LPAR1: variants seen among roughly 807,000 people sequenced by gnomAD.
The protein encoded by LPAR1 is lysophosphatidic acid receptor 1.
In LPAR1, 5 loss-of-function variants were observed where a neutral mutation model predicts 23.8. The ratio of observed to expected loss-of-function variants is 0.21; its 90% CI spans 0.11 to 0.44. The LOEUF (loss-of-function observed/expected upper bound fraction) is 0.44, where lower values mean the gene tolerates loss of function less well. Ranked by LOEUF, LPAR1 falls within the 20% of genes least tolerant of loss-of-function variation. The pLI is 0.99. For missense variants in LPAR1, 311 were observed against 482.8 expected, an observed-to-expected ratio of 0.64 and a Z score of 3.33; for synonymous variants, 160 against 164.7, an observed-to-expected ratio of 0.97 and a Z score of 0.22.
chr9:110,972,388 C>T (rs2096452395), intron 3 of LPAR1, among the ~76,000 whole-genome samples, 168 bp from the exon 4 acceptor site: 1 of 152,166 alleles, frequency 6.6e-6, no homozygotes, highest in Admixed American at 6.6e-5. Context: ...GCCACGACTT[C>T]TGTGCTATCT....
intron 2 of LPAR1, among the ~76,000 whole-genome samples, chr9:111,001,944 T>C (rs1298158570): frequency 1.3e-5 from 2 of 152,134 alleles, no homozygotes; most frequent in Admixed American, 1.3e-4. Flanking sequence ...TGCCAACTAA[T>C]CAATACCCTG....
intron 5 of LPAR1, among the ~76,000 whole-genome samples, chr9:110,917,409 A>G (rs1393001123): frequency 2.0e-5 from 3 of 152,128 alleles, no homozygotes; most frequent in Non-Finnish European, 4.4e-5. Context: ...TACGTTTTTA[A>G]TAAGACTAAG....
In LPAR1 at chr9:110,988,005, A is replaced by C. The variant is rs926012632; in HGVS notation, c.-181-14447T>G. Among the ~76,000 whole-genome samples the C allele has an allele frequency of 5.3e-5, 8 of 152,208 alleles. No individual in the cohort carries two copies. The East Asian group carries it at 1.5e-3, about 29-fold the overall frequency. ...ATTAAAGAAAAAAAAAGACACCTAG[A>C]GAGGAACAAGGATAAGAATGACAGC... is the stretch of plus-strand genomic sequence containing the variant. On this transcript the variant is annotated intron_variant, in intron 2 of 5. Coordinates refer to ENST00000683809, the MANE Select transcript of LPAR1 (RefSeq NM_001351411.2).
At chr9:110,960,997 AT>A (rs1465722597) in intron 4 of LPAR1, among the ~76,000 whole-genome samples, 2 of 152,110 alleles carry the variant, frequency 1.3e-5, no homozygotes, top group Non-Finnish European at 2.9e-5. Context: ...AACTTGTTCC[AT>A]TTCAATTTTT....
Position 110,985,839 on chromosome 9 carries a change from G to C in LPAR1, c.-181-12281C>G, listed in dbSNP as rs77219265. ...AGGTCAAGCTAGTTTGTGTTACAATGCTTAGAAAATGGGAGAAAATCTCTA... is the reference window on the plus strand; with the variant it reads ...AGGTCAAGCTAGTTTGTGTTACAATCCTTAGAAAATGGGAGAAAATCTCTA... On this transcript the variant is annotated intron_variant, in intron 2 of 5. Transcript: ENST00000683809. 6.5e-3 allele frequency among the ~76,000 whole-genome samples: 995 copies of C among 152,164 alleles called. 11 individuals are homozygous for C. Among genetic ancestry groups the C allele is most frequent in the African/African-American group, 0.023 (955 of 41,530 alleles).
chr9:110,924,238 C>CAA (rs10695949), intron 5 of LPAR1, among the ~76,000 whole-genome samples: 102,216 of 143,890 alleles, frequency 0.71, 37,577 homozygotes, highest in East Asian at 0.82. Context: ...ATTATAATAG[C>CAA]AAAAAAAAAA....
chr9:110,985,257 C>T (rs186174831), intron 2 of LPAR1, among the ~76,000 whole-genome samples: 19 of 152,118 alleles, frequency 1.2e-4, no homozygotes, highest in Admixed American at 1.2e-3. Flanking sequence ...TGGCTACTTT[C>T]CTCTCTTCCT....
intron 5 of LPAR1, among the ~76,000 whole-genome samples, chr9:110,917,048 A>T (rs2134796171): frequency 6.6e-6 from 1 of 152,104 alleles, no homozygotes; most frequent in East Asian, 1.9e-4. Context: ...AAACTTTAAA[A>T]TGTTCTTGGC....
At chr9:110,894,048 AAAT>A (rs1043597405) in intron 5 of LPAR1, among the ~76,000 whole-genome samples, 2 of 152,344 alleles carry the variant, frequency 1.3e-5, no homozygotes, top group South Asian at 2.1e-4. Flanking sequence ...AATGTTTTTA[AAAT>A]AATAATAAAA....
chr9:110,895,928 TCTTG>T (rs1207994313), intron 5 of LPAR1, among the ~76,000 whole-genome samples: 1 of 152,208 alleles, frequency 6.6e-6, no homozygotes, highest in Non-Finnish European at 1.5e-5. Flanking sequence ...TGGGCATTTC[TCTTG>T]CTTCTCATGC....
intron 2 of LPAR1, among the ~76,000 whole-genome samples, chr9:110,984,618 G>A (rs2096741689): frequency 6.6e-6 from 1 of 151,908 alleles, no homozygotes; most frequent in Admixed American, 6.6e-5. Flanking sequence ...GGATCATATG[G>A]TATAATTAAG....
chr9:110,879,417 CAAAAAAAAA>C (rs71371692), intron 5 of LPAR1, among the ~76,000 whole-genome samples: 14 of 47,180 alleles, frequency 3.0e-4, no homozygotes, highest in African/African-American at 1.4e-3. Flanking sequence ...GACTCCATCT[CAAAAAAAAA>C]AAAAAAAAAA....
chr9:110,995,506 C>A (rs1215280907), intron 2 of LPAR1, among the ~76,000 whole-genome samples: 1 of 152,052 alleles, frequency 6.6e-6, no homozygotes, highest in Non-Finnish European at 1.5e-5. Context: ...CATTGAAAAC[C>A]CTCTTGGCAA....
chr9:110,998,899 A>G (rs961728164), intron 2 of LPAR1, among the ~76,000 whole-genome samples: 2 of 152,212 alleles, frequency 1.3e-5, no homozygotes, highest in Admixed American at 6.5e-5. Flanking sequence ...GATTCAAAAG[A>G]AGGCATAAGG....
At chr9:110,949,855 G>T (rs549436765) in intron 4 of LPAR1, among the ~76,000 whole-genome samples, 1 of 152,088 alleles carries the variant, frequency 6.6e-6, no homozygotes, top group African/African-American at 2.4e-5. Flanking sequence ...GACTAAATAG[G>T]GTTTCCTCCA....
intron 2 of LPAR1, among the ~76,000 whole-genome samples, chr9:111,005,052 C>T (rs2097188988): frequency 1.4e-5 from 2 of 147,688 alleles, no homozygotes; most frequent in African/African-American, 5.0e-5. Context: ...GTTCCAGGTA[C>T]TCAAAAGGCT....
chr9:110,946,857 A>C (rs1009196134), intron 4 of LPAR1, among the ~76,000 whole-genome samples: 3 of 152,222 alleles, frequency 2.0e-5, no homozygotes, highest in Non-Finnish European at 4.4e-5. Flanking sequence ...ATCTGGGATT[A>C]AAATTACTTA....
intron 5 of LPAR1, among the ~76,000 whole-genome samples, chr9:110,922,501 A>C (rs1282654779): frequency 6.6e-6 from 1 of 152,198 alleles, no homozygotes; most frequent in Non-Finnish European, 1.5e-5. Context: ...TACCTTAGTA[A>C]ATATGAAGGA....
Position 110,972,087 on chromosome 9 carries a change from T to A in LPAR1, c.31A>T (p.Ile11Phe). 6.2e-7 allele frequency: 1 copy of A among 1,613,928 alleles called. No individual in the cohort carries two copies. Among genetic ancestry groups the A allele is most frequent in the Non-Finnish European group, 8.5e-7 (1 of 1,179,882 alleles). Residue 11 changes from isoleucine (I) to phenylalanine (F), a missense_variant, in exon 4 of 6, where the codon ATT becomes TTT. By Grantham distance (21) the Ile-to-Phe change is conservative (BLOSUM62 0). Transcript: ENST00000683809. MAAISTSIPV[I>F]SQPQFTAMNE... ...GAAGCCCTTACCTGGGGCTGTGAAA[T>A]TACAGGGATGGAAGTAGAGATGGCA...
Sources: gnomAD v4.1 joint callset for allele counts (sites outside exome capture counted in the v4.1 genomes callset) on GRCh38, gnomAD v4.1.1 for gene constraint, MANE v1.5 for transcripts, NCBI Gene and HGNC (gene_info 2026-07-23, HGNC 2026-07-21) for gene names.